ZNF423: variants seen among roughly 807,000 people sequenced by gnomAD.
ZNF423 encodes the protein Ebf-associated zinc finger protein.
ZNF423 carries 12 observed loss-of-function variants against 95.8 expected under a neutral mutation model. The observed-to-expected ratio is 0.13, with a 90% confidence interval of 0.08 to 0.20. The LOEUF (loss-of-function observed/expected upper bound fraction) is 0.20, where lower values mean the gene tolerates loss of function less well. Ranked by LOEUF, ZNF423 falls within the 10% of genes least tolerant of loss-of-function variation. The pLI, the probability that ZNF423 is intolerant of heterozygous loss-of-function variation, is 1.00. For synonymous variants in ZNF423, 749 were observed against 711.9 expected, an observed-to-expected ratio of 1.05 and a Z score of -0.83; for missense variants, 1,316 against 1,737.1, an observed-to-expected ratio of 0.76 and a Z score of 4.31.
chr16:49,575,413 C>T (rs1002058853), intron 5 of ZNF423, among the ~76,000 whole-genome samples: 2 of 152,170 alleles, frequency 1.3e-5, no homozygotes, highest in Admixed American at 6.5e-5. Flanking sequence ...AGTTTCCCCT[C>T]CTACTTGCCG....
At chr16:49,676,217 C>CGCAGCTCTGCCCTT (rs2031041230) in intron 3 of ZNF423, among the ~76,000 whole-genome samples, 1 of 152,246 alleles carries the variant, frequency 6.6e-6, no homozygotes, top group Admixed American at 6.5e-5. Context: ...AGACTGGAGG[C>CGCAGCTCTGCCCTT]GCAGCTCTGC....
intron 5 of ZNF423, among the ~76,000 whole-genome samples, chr16:49,576,266 C>A (rs1380870957): frequency 6.6e-6 from 1 of 152,228 alleles, no homozygotes; most frequent in African/African-American, 2.4e-5. Context: ...TGGCTGTGGT[C>A]CCTGTGCTCA....
intron 5 of ZNF423, among the ~76,000 whole-genome samples, chr16:49,622,906 GT>G (rs1452370786): frequency 3.9e-5 from 6 of 152,296 alleles, no homozygotes; most frequent in Non-Finnish European, 7.4e-5. Context: ...TATGTGCAGT[GT>G]CTTCTATGGG....
rs533749819 is a variant in ZNF423, at chr16:49,730,907, G to A, written c.165C>T (p.Ser55=). The A allele has an allele frequency of 3.8e-5, 61 of 1,614,012 alleles. No individual in the cohort carries two copies. The highest frequency in any genetic ancestry group is 1.6e-4 in the Middle Eastern group (1 of 6,084). ...KTSRALEDRN[S]VTSQEERNED... is the part of the protein sequence containing the mutation. ...CATTTCTCTCCTCTTGACTTGTCAC[G>A]CTGTTCCTGTCTTCCAGCGCACGGC... The change falls in exon 3 of 8, where the codon AGC becomes AGT. Residue 55 remains serine, a synonymous_variant. Coordinates refer to ENST00000563137, the MANE Select transcript of ZNF423 (RefSeq NM_001379286.1).
chr16:49,843,993 C>A (rs189865659), intron 1 of ZNF423, among the ~76,000 whole-genome samples: 166 of 152,160 alleles, frequency 1.1e-3, no homozygotes, highest in Non-Finnish European at 1.5e-3. Context: ...GTTGAACATT[C>A]TGTTTTATTT....
intron 2 of ZNF423, among the ~76,000 whole-genome samples, chr16:49,770,891 C>T (rs1028560882): frequency 2.0e-5 from 3 of 152,206 alleles, no homozygotes; most frequent in Non-Finnish European, 4.4e-5. Flanking sequence ...AGCCACCCCA[C>T]AGGAGCCTCC....
chr16:49,669,061 A>G (rs1013401646), intron 3 of ZNF423, among the ~76,000 whole-genome samples: 13 of 152,124 alleles, frequency 8.5e-5, no homozygotes, highest in Non-Finnish European at 1.8e-4. Context: ...CATGCGCGGC[A>G]GCTCATGTCT....
At chr16:49,667,588 A>G (rs950056470) in intron 3 of ZNF423, among the ~76,000 whole-genome samples, 1 of 152,240 alleles carries the variant, frequency 6.6e-6, no homozygotes, top group Non-Finnish European at 1.5e-5. Flanking sequence ...TGTCACAGAA[A>G]AGGAAACCGA....
intron 2 of ZNF423, among the ~76,000 whole-genome samples, chr16:49,780,070 G>A (rs2034185217): frequency 2.0e-5 from 3 of 152,244 alleles, no homozygotes; most frequent in Admixed American, 1.3e-4. Flanking sequence ...GCCTAGCTCC[G>A]TGGAAGCGAA....
intron 7 of ZNF423, among the ~76,000 whole-genome samples, chr16:49,501,626 AG>A (rs1349454545): frequency 2.0e-5 from 2 of 102,352 alleles, no homozygotes; most frequent in South Asian, 6.5e-4. Context: ...AAACCAACCC[AG>A]GCGCCCACCA....
At chr16:49,524,365 C>A (rs570280359) in intron 6 of ZNF423, among the ~76,000 whole-genome samples, 1 of 152,340 alleles carries the variant, frequency 6.6e-6, no homozygotes, top group African/African-American at 2.4e-5. Context: ...CTCGGGCCCC[C>A]ACACAGAGGC....
chr16:49,574,090 A>C (rs1471701590), intron 5 of ZNF423, among the ~76,000 whole-genome samples: 2 of 152,196 alleles, frequency 1.3e-5, no homozygotes, highest in African/African-American at 2.4e-5. Context: ...GTCTTTTAAA[A>C]CAAAGATTAC....
chr16:49,596,624 C>T (rs1971186224), intron 5 of ZNF423, among the ~76,000 whole-genome samples: 1 of 151,954 alleles, frequency 6.6e-6, no homozygotes, highest in Non-Finnish European at 1.5e-5. Flanking sequence ...TATGAAAAAC[C>T]CTGGAGAACA....
At chr16:49,559,086 T>A (rs1457793451) in intron 5 of ZNF423, among the ~76,000 whole-genome samples, 2 of 152,168 alleles carry the variant, frequency 1.3e-5, no homozygotes, top group Admixed American at 1.3e-4. Flanking sequence ...CCTTCCACCT[T>A]CTCACCATCC....
At chr16:49,848,795 G>A (rs189111671) in intron 1 of ZNF423, among the ~76,000 whole-genome samples, 68 of 152,268 alleles carry the variant, frequency 4.5e-4, no homozygotes, top group East Asian at 2.7e-3. Flanking sequence ...TGTCTCGGAC[G>A]GAGTTTCCTG....
At chr16:49,808,923 A>C (rs2034707554) in intron 1 of ZNF423, among the ~76,000 whole-genome samples, 1 of 152,190 alleles carries the variant, frequency 6.6e-6, no homozygotes, top group Admixed American at 6.5e-5. Flanking sequence ...CCAAGCCAGA[A>C]GACACGGCCT....
At chr16:49,632,579 G>T (rs935624373) in intron 4 of ZNF423, among the ~76,000 whole-genome samples, 1 of 152,080 alleles carries the variant, frequency 6.6e-6, no homozygotes, top group African/African-American at 2.4e-5. Context: ...AGGCCTGGGG[G>T]CCCCCAGGAA....
intron 1 of ZNF423, among the ~76,000 whole-genome samples, chr16:49,808,994 C>T (rs2034709041): frequency 6.6e-6 from 1 of 152,168 alleles, no homozygotes; most frequent in Admixed American, 6.5e-5. Context: ...GCAGGAGGCA[C>T]GTCCCCGAGC....
intron 5 of ZNF423, among the ~76,000 whole-genome samples, chr16:49,615,736 AC>A (rs1971854639): frequency 6.6e-6 from 1 of 152,120 alleles, no homozygotes; most frequent in African/African-American, 2.4e-5. Flanking sequence ...CAGGAGCATC[AC>A]CCAGTTAAGC....
Sources: allele counts gnomAD v4.1 joint callset (sites outside exome capture counted in the v4.1 genomes callset), GRCh38; gene constraint gnomAD v4.1.1; transcripts MANE v1.5; gene names NCBI Gene and HGNC (gene_info 2026-07-23, HGNC 2026-07-21).